Variants in LGALS13 observed in about 807,000 individuals in gnomAD.
The protein encoded by LGALS13 is galactoside-binding soluble lectin 13.
A neutral mutation model predicts 13.2 loss-of-function variants in LGALS13; 11 were observed. That is an observed-to-expected ratio of 0.83 (90% CI 0.52 to 1.38). LGALS13 has a LOEUF of 1.38. Among genes scored for constraint, LGALS13 ranks in the 40% most tolerant of loss-of-function variants. The pLI, the probability that LGALS13 is intolerant of heterozygous loss-of-function variation, is 0.00. For missense variants in LGALS13, 183 were observed against 174.3 expected, an observed-to-expected ratio of 1.05 and a Z score of -0.28; for synonymous variants, 71 against 63.7, an observed-to-expected ratio of 1.11 and a Z score of -0.54.
At chr19:39,603,862 A>G in intron 1 of LGALS13, 1 of 871,706 alleles carries the variant, frequency 1.1e-6, no homozygotes. Flanking sequence ...AAAAGTACAG[A>G]AAAATCATCT....
chr19:39,605,142 G>A lies in LGALS13; in HGVS notation c.93-36G>A, dbSNP rs201378711. 35 of 1,556,458 alleles carry A rather than the reference G, an allele frequency of 2.2e-5. 1 individual carries two copies. The African/African-American group carries it at 2.8e-4, about 13-fold the overall frequency. On this transcript the variant is annotated intron_variant, in intron 2 of 3. Coordinates refer to ENST00000221797, the MANE Select transcript of LGALS13 (RefSeq NM_013268.3). ...GTCGAGTGTGTGTCTGCGCAAGGGA[G>A]GGACCTGCCCAACATTCTGCGTGCT...
chr19:39,603,973 T>A, intron 1 of LGALS13: 20 of 985,436 alleles, frequency 2.0e-5, no homozygotes, highest in Non-Finnish European at 2.4e-5. Context: ...CTCTCAGTAG[T>A]GTGTGCCCCT....
At position 39,607,324 on chromosome 19, in the gene LGALS13, G is replaced by T. The variant is rs764953010; in HGVS notation, c.405G>T (p.Val135=). 4 of 1,607,824 alleles carry T rather than the reference G, an allele frequency of 2.5e-6. No homozygotes were observed. The South Asian group carries it at 4.4e-5, about 18-fold the overall frequency. ...CGAGAGATATCTCCCTGACCTCAGTGTGTGTCTGCAATTGAGGGAGATGAT... is the reference window on the plus strand; with the variant it reads ...CGAGAGATATCTCCCTGACCTCAGTTTGTGTCTGCAATTGAGGGAGATGAT... ...QVSRDISLTS[V]CVCN Residue 135 remains valine, a synonymous_variant, in exon 4 of 4, where the codon GTG becomes GTT. Coordinates refer to ENST00000221797, the MANE Select transcript of LGALS13 (RefSeq NM_013268.3).
In LGALS13 at chr19:39,605,274, C is replaced by G. The variant is rs760990490; in HGVS notation, c.189C>G (p.Val63=). ...GAGTGCACTTTGGCAATCATGTGGT[C>G]ATGAACAGGCGTGAGTTTGGGATAT... The part of the protein sequence containing the change: ...RFRVHFGNHV[V]MNRREFGIWM... Residue 63 remains valine (V), a synonymous_variant, in exon 3 of 4, where the codon GTC becomes GTG. Coordinates refer to ENST00000221797, the MANE Select transcript of LGALS13 (RefSeq NM_013268.3). The G allele has an allele frequency of 1.2e-6, 2 of 1,614,142 alleles. No individual in the cohort carries two copies. The highest frequency in any genetic ancestry group is 1.7e-6 in the Non-Finnish European group (2 of 1,180,012).
In LGALS13 at chr19:39,605,257, T is replaced by C; in HGVS notation, c.172T>C (p.Phe58Leu). ...SDIAFRFRVH[F>L]GNHVVMNRRE... ...TATTGCCTTCCGTTTCCGAGTGCAC[T>C]TTGGCAATCATGTGGTCATGAACAG... The change falls in exon 3 of 4, where the codon TTT becomes CTT. Residue 58 changes from phenylalanine (F) to leucine (L), a missense_variant. Transcript: ENST00000221797. The C allele has an allele frequency of 1.9e-6, 3 of 1,614,214 alleles. No individual in the cohort carries two copies. The highest frequency in any genetic ancestry group is 2.5e-6 in the Non-Finnish European group (3 of 1,180,016).
rs1037634279 is a variant in LGALS13 at position 39,604,007 on chromosome 19, T to C, written c.16-595T>C. The C allele has an allele frequency of 7.5e-5, 74 of 984,354 alleles. No individual in the cohort carries two copies. In the African/African-American group the frequency reaches 1.1e-3, roughly 15 times the overall value. The allele number at this position is 984,354 out of a possible 1,614,324, so 61.0% of individuals were successfully genotyped here. On this transcript the variant is annotated intron_variant, in intron 1 of 3. Coordinates refer to ENST00000221797, the MANE Select transcript of LGALS13 (RefSeq NM_013268.3). Reference sequence around the variant, plus strand: ...CTTCTTGGAAGGATGTCCATGGCCCTTGATGATAGTGATGCATGTGCATCC... The same window carrying C: ...CTTCTTGGAAGGATGTCCATGGCCCCTGATGATAGTGATGCATGTGCATCC...
intron 1 of LGALS13, among the ~76,000 whole-genome samples, chr19:39,603,634 G>A (rs923098807): frequency 2.0e-5 from 3 of 152,118 alleles, no homozygotes; most frequent in African/African-American, 4.8e-5. Context: ...AGAGGATAAC[G>A]AGGCCAGAAG....
intron 3 of LGALS13, among the ~76,000 whole-genome samples, chr19:39,606,207 T>A (rs914399539): frequency 6.6e-6 from 1 of 152,236 alleles, no homozygotes; most frequent in East Asian, 1.9e-4. Context: ...CATTTGTTTT[T>A]AAGCAAATCC....
chr19:39,607,182 T>C, intron 3 of LGALS13, 41 bp from the exon 4 acceptor site: 1 of 1,476,782 alleles, frequency 6.8e-7, no homozygotes, highest in South Asian at 1.1e-5. Flanking sequence ...AAAACTTGTT[T>C]GGTGGCATGC....
chr19:39,605,075 G>C, intron 2 of LGALS13, 103 bp from the exon 3 acceptor site: 1 of 979,184 alleles, frequency 1.0e-6, no homozygotes, highest in Non-Finnish European at 1.6e-6. Context: ...TTATCTGGGA[G>C]ACTTTTTCCC....
At chr19:39,604,838 C>T (rs1420760429) in intron 2 of LGALS13, among the ~76,000 whole-genome samples, 160 bp downstream of exon 2, 1 of 152,190 alleles carries the variant, frequency 6.6e-6, no homozygotes, top group Non-Finnish European at 1.5e-5. Context: ...GCATGAGACC[C>T]ACAGCAACTG....
Position 39,604,614 on chromosome 19 carries a change from C to G in LGALS13, c.28C>G (p.Leu10Val), listed in dbSNP as rs916893248. ...AATACTCTGGCAGGTGCCATACAAA[C>G]TGCCTGTGTCTTTGTCTGTTGGTTC... is the stretch of plus-strand genomic sequence containing the variant. MSSLPVPYK[L>V]PVSLSVGSCV... is the part of the protein sequence containing the mutation. Residue 10 changes from leucine (L) to valine (V), a missense_variant, in exon 2 of 4, where the codon CTG becomes GTG. Coordinates refer to ENST00000221797, the MANE Select transcript of LGALS13 (RefSeq NM_013268.3). 1.2e-6 allele frequency: 2 copies of G among 1,614,098 alleles called. No individual in the cohort carries two copies. The highest frequency in any genetic ancestry group is 2.7e-5 in the African/African-American group (2 of 74,940).
At chr19:39,605,735 T>C (rs150299037) in intron 3 of LGALS13, among the ~76,000 whole-genome samples, 53 of 152,350 alleles carry the variant, frequency 3.5e-4, no homozygotes, top group African/African-American at 1.2e-3. Flanking sequence ...AAGGTTGTTT[T>C]AATCAGTCAC....
chr19:39,604,549 G>A, intron 1 of LGALS13, 53 bp from the exon 2 acceptor site: 2 of 1,591,860 alleles, frequency 1.3e-6, no homozygotes, highest in South Asian at 1.1e-5. Context: ...TGTTACAGGA[G>A]GGGAGACTGC....
At position 39,602,580 on chromosome 19, in the gene LGALS13, A is replaced by C. The variant is rs553021872; in HGVS notation, c.12A>C (p.Leu4Phe). 1.8e-5 allele frequency: 29 copies of C among 1,614,168 alleles called. No homozygotes were observed. In the Middle Eastern group the frequency reaches 4.9e-4, roughly 28 times the overall value. Residue 4 changes from leucine (L) to phenylalanine (F), a missense_variant, in exon 1 of 4, where the codon TTA becomes TTC. Transcript: ENST00000221797. MSS[L>F]PVPYKLPVSL... ...AGAAGGAGAGAACAATGTCTTCTTT[A>C]CCCGTGAGTTGAAAAGGCACAGCCT...
rs373893213 is a variant in LGALS13 at position 39,602,589 on chromosome 19, T to A, written c.15+6T>A. 1.7e-5 allele frequency: 27 copies of A among 1,613,914 alleles called. No homozygotes were observed. The highest frequency in any genetic ancestry group is 2.2e-5 in the Non-Finnish European group (26 of 1,179,920). On this transcript the variant is annotated splice_donor_region_variant and intron_variant, in intron 1 of 3. Coordinates refer to ENST00000221797, the MANE Select transcript of LGALS13 (RefSeq NM_013268.3). ...GAACAATGTCTTCTTTACCCGTGAG[T>A]TGAAAAGGCACAGCCTTCAAAAATT...
At position 39,607,119 on chromosome 19, in the gene LGALS13, G is replaced by A; in HGVS notation, c.304-104G>A. The A allele has an allele frequency of 4.9e-6, 4 of 824,252 alleles. No individual in the cohort carries two copies. The South Asian group carries it at 5.4e-5, about 11-fold the overall frequency. 51.1% of individuals were successfully genotyped at this position (824,252 alleles called of 1,614,324 possible). On this transcript the variant is annotated intron_variant, in intron 3 of 3. Transcript: ENST00000221797. The stretch of plus-strand genomic sequence containing the variant: ...TCTAATACGTTAACTTGTATAACTA[G>A]GAATTTTCTTGGGGAATGTTATTTG...
chr19:39,604,090 T>C (rs1479799316), intron 1 of LGALS13: 6 of 567,086 alleles, frequency 1.1e-5, no homozygotes, highest in Non-Finnish European at 1.3e-5. Context: ...ACAAGTGTTG[T>C]TTCTCACTGG....
intron 3 of LGALS13, among the ~76,000 whole-genome samples, chr19:39,606,826 C>A (rs548816013): frequency 6.6e-6 from 1 of 152,314 alleles, no homozygotes; most frequent in East Asian, 1.9e-4. Context: ...GAAAAACAAT[C>A]ACAGTTCATG....
Sources: allele counts gnomAD v4.1 joint callset (sites outside exome capture counted in the v4.1 genomes callset), GRCh38; gene constraint gnomAD v4.1.1; transcripts MANE v1.5; gene names NCBI Gene and HGNC (gene_info 2026-07-23, HGNC 2026-07-21).